The following C1orf94 variants were observed in gnomAD, a reference collection of about 807,000 sequenced individuals.
C1orf94 encodes uncharacterized protein C1orf94.
C1orf94 carries 45 observed loss-of-function variants against 53.6 expected under a neutral mutation model. That is an observed-to-expected ratio of 0.84 (90% CI 0.66 to 1.08). C1orf94 has a LOEUF of 1.08. Ranked by LOEUF, C1orf94 falls within the 50% of genes least tolerant of loss-of-function variation. C1orf94 has a pLI of 0.00. For missense variants in C1orf94, 762 were observed against 738.9 expected, an observed-to-expected ratio of 1.03 and a Z score of -0.36; for synonymous variants, 304 against 296.1, an observed-to-expected ratio of 1.03 and a Z score of -0.27.
At chr1:34,188,266 A>T (rs1642418649) in intron 1 of C1orf94, among the ~76,000 whole-genome samples, 1 of 152,238 alleles carries the variant, frequency 6.6e-6, no homozygotes, top group Non-Finnish European at 1.5e-5. Flanking sequence ...TGTCTGGTAC[A>T]TCTTTGAGAA....
Position 34,197,620 on chromosome 1 carries a change from T to G in C1orf94, c.716T>G (p.Leu239Arg). Reference protein sequence around the residue: ...LGDSNLQVSKLLSQFPLKSTE... With the variant: ...LGDSNLQVSKRLSQFPLKSTE... Reference sequence around the variant, plus strand: ...GACTCCAACTTGCAAGTCAGCAAGCTTCTGTCCCAGTTCCCACTGAAGTCC... The same window carrying G: ...GACTCCAACTTGCAAGTCAGCAAGCGTCTGTCCCAGTTCCCACTGAAGTCC... Residue 239 changes from leucine (L) to arginine (R), a missense_variant, in exon 2 of 7, where the codon CTT (leucine) becomes CGT (arginine). Transcript: ENST00000488417. This position sits in a 1 kb window ranked among gnomAD's most constrained non-coding sequence, Gnocchi z 4.1. 6.2e-7 allele frequency: 1 copy of G among 1,614,114 alleles called. No individual in the cohort carries two copies. The highest frequency in any genetic ancestry group is 8.5e-7 in the Non-Finnish European group (1 of 1,179,990).
Position 34,202,089 on chromosome 1 carries a change from G to C in C1orf94, c.1276G>C (p.Ala426Pro). The C allele has an allele frequency of 6.2e-7, 1 of 1,613,148 alleles. No homozygotes were observed. Among genetic ancestry groups the C allele is most frequent in the Admixed American group, 1.7e-5 (1 of 59,960 alleles). ...GCCTCTCCTGTGACTTGCAGTTAAC[G>C]CACCTGTGACGGTTGCTGACAAGAA... ...EVDGPELKFN[A>P]PVTVADKNNP... The change falls in exon 4 of 7, where the codon GCA (alanine) becomes CCA (proline). Residue 426 changes from alanine (A) to proline (P), a missense_variant. Transcript: ENST00000488417.
rs764306591 is a variant in C1orf94, at chr1:34,197,497, A to G, written c.593A>G (p.Gln198Arg). Residue 198 changes from glutamine to arginine, a missense_variant, in exon 2 of 7, where the codon CAG becomes CGG. Coordinates refer to ENST00000488417, the MANE Select transcript of C1orf94 (RefSeq NM_001134734.2). The surrounding 1 kb of genome is among the most constrained non-coding windows in gnomAD (Gnocchi z 4.1). The part of the protein sequence containing the change: ...KVAMPVISSR[Q>R]DCDSATSTVT... ...GCCATGCCCGTTATCAGCAGCAGGC[A>G]GGACTGTGATTCTGCCACTTCTACT... 1 of 1,614,134 alleles carries G rather than the reference A, an allele frequency of 6.2e-7. No homozygotes were observed. The highest frequency in any genetic ancestry group is 8.5e-7 in the Non-Finnish European group (1 of 1,180,018).
At chr1:34,218,307 G>A (rs188108316) in intron 6 of C1orf94, among the ~76,000 whole-genome samples, 8 of 152,252 alleles carry the variant, frequency 5.3e-5, no homozygotes, top group Non-Finnish European at 1.0e-4. Flanking sequence ...ATTTTCCTGA[G>A]GGACATGTCT....
Position 34,197,797 on chromosome 1 carries a change from C to G in C1orf94, c.893C>G (p.Pro298Arg). The change falls in exon 2 of 7, where the codon CCT becomes CGT. Residue 298 changes from proline to arginine, a missense_variant. Coordinates refer to ENST00000488417, the MANE Select transcript of C1orf94 (RefSeq NM_001134734.2). The surrounding 1 kb of genome is among the most constrained non-coding windows in gnomAD (Gnocchi z 4.1). ...PFLLLPPRPP[P>R]ARPDKLPELP... ...CTGCTGCTGCCTCCCCGACCTCCTC[C>G]TGCACGTCCTGACAAGCTCCCTGAG... The G allele has an allele frequency of 6.2e-7, 1 of 1,614,226 alleles. No homozygotes were observed. Among genetic ancestry groups the G allele is most frequent in the African/African-American group, 1.3e-5 (1 of 75,068 alleles).
At chr1:34,175,964 G>C (rs924091093), upstream of C1orf94, among the ~76,000 whole-genome samples, 9 of 151,998 alleles carry the variant, frequency 5.9e-5, no homozygotes, top group Non-Finnish European at 1.0e-4. Context: ...TTTTCCATCA[G>C]AGTCCCATTG....
chr1:34,177,687 A>C lies in C1orf94; in HGVS notation c.-103A>C. 3.9e-6 allele frequency: 4 copies of C among 1,031,168 alleles called. No homozygotes were observed. The allele number at this position is 1,031,168 out of a possible 1,614,324, so 63.9% of individuals were successfully genotyped here. On this transcript the variant is annotated 5_prime_UTR_variant, in exon 1 of 7. Coordinates refer to ENST00000488417, the MANE Select transcript of C1orf94 (RefSeq NM_001134734.2). ...AAGCTGTCCTCCACCCACCCCTCCC[A>C]CACAAATAGAAGGCCTCTGAACCTA...
chr1:34,213,729 C>T (rs1264711947), intron 6 of C1orf94, among the ~76,000 whole-genome samples: 8 of 151,830 alleles, frequency 5.3e-5, no homozygotes, highest in South Asian at 2.1e-4. Context: ...TTAGTAGAGA[C>T]GGGGTTTCAC....
At chr1:34,189,131 ATG>A (rs1456941673) in intron 1 of C1orf94, among the ~76,000 whole-genome samples, 1 of 150,634 alleles carries the variant, frequency 6.6e-6, no homozygotes, top group Non-Finnish European at 1.5e-5. Context: ...TGTGTGCAGG[ATG>A]TGTGTGTATG....
rs377669037 is a variant in C1orf94 at position 34,185,240 on chromosome 1, C to T, written c.320+7131C>T. Among the ~76,000 whole-genome samples the T allele has an allele frequency of 2.3e-4, 35 of 152,126 alleles. 1 individual carries two copies. Among genetic ancestry groups the T allele is most frequent in the African/African-American group, 6.7e-4 (28 of 41,490 alleles). On this transcript the variant is annotated intron_variant, in intron 1 of 6. Coordinates refer to ENST00000488417, the MANE Select transcript of C1orf94 (RefSeq NM_001134734.2). ...TGTCACCCAGGCTGGAGTGCAGTGG[C>T]GCGATCTTGGCTCACTGCAACCTCC...
At chr1:34,202,370 C>T in intron 4 of C1orf94, 111 bp downstream of exon 4, 2 of 1,205,982 alleles carry the variant, frequency 1.7e-6, no homozygotes, top group Non-Finnish European at 2.3e-6. Context: ...CCTCTGAATC[C>T]CTTCCCTACA....
At chr1:34,203,093 C>T (rs1403653137) in intron 4 of C1orf94, among the ~76,000 whole-genome samples, 1 of 151,938 alleles carries the variant, frequency 6.6e-6, no homozygotes, top group African/African-American at 2.4e-5. Context: ...GGCACTTGAA[C>T]ATCTTTATAT....
At chr1:34,199,043 G>A (rs1642649861) in intron 2 of C1orf94, among the ~76,000 whole-genome samples, 1 of 145,004 alleles carries the variant, frequency 6.9e-6, no homozygotes, top group Non-Finnish European at 1.5e-5. Context: ...GTACGAATGT[G>A]TGAGCAAAAG....
intron 5 of C1orf94, among the ~76,000 whole-genome samples, chr1:34,211,738 C>G (rs1020596367): frequency 6.6e-6 from 1 of 152,062 alleles, no homozygotes; most frequent in African/African-American, 2.4e-5. Flanking sequence ...GTAGGGCTGT[C>G]TCGGACTTGC....
intron 1 of C1orf94, among the ~76,000 whole-genome samples, chr1:34,170,261 A>G (rs1452272197): frequency 2.0e-5 from 3 of 152,238 alleles, no homozygotes; most frequent in Admixed American, 1.3e-4. Context: ...ACAAATATAA[A>G]GAAGAATAAG....
At chr1:34,178,759 G>A (rs901874871) in intron 1 of C1orf94, among the ~76,000 whole-genome samples, 14 of 151,008 alleles carry the variant, frequency 9.3e-5, no homozygotes, top group African/African-American at 3.2e-4. Flanking sequence ...ATATTGTTGA[G>A]GATGGATATT....
intron 1 of C1orf94, among the ~76,000 whole-genome samples, chr1:34,190,691 G>C (rs1219759425): frequency 6.6e-6 from 1 of 152,192 alleles, no homozygotes; most frequent in Non-Finnish European, 1.5e-5. Flanking sequence ...TTAAGAGAGA[G>C]GCATTGGAAC....
In C1orf94 at chr1:34,202,104, G is replaced by A. The variant is rs1233649888; in HGVS notation, c.1291G>A (p.Ala431Thr). 2 of 1,613,858 alleles carry A rather than the reference G, an allele frequency of 1.2e-6. No individual in the cohort carries two copies. The highest frequency in any genetic ancestry group is 1.3e-5 in the African/African-American group (1 of 74,912). ...ELKFNAPVTV[A>T]DKNNPKYTGN... ...TGCAGTTAACGCACCTGTGACGGTT[G>A]CTGACAAGAACAACCCGAAGTACAC... The change falls in exon 4 of 7, where the codon GCT becomes ACT. Residue 431 changes from alanine to threonine, a missense_variant. Physicochemically the swap from Ala to Thr is moderately conservative, Grantham distance 58 (BLOSUM62 0). Transcript: ENST00000488417.
At chr1:34,202,487 T>C (rs958991174) in intron 4 of C1orf94, among the ~76,000 whole-genome samples, 2 of 152,238 alleles carry the variant, frequency 1.3e-5, no homozygotes, top group Non-Finnish European at 2.9e-5. Context: ...TTCATGTGCA[T>C]GCGTGCGCAC....
Sources: allele counts gnomAD v4.1 joint callset (sites outside exome capture counted in the v4.1 genomes callset), GRCh38; gene constraint gnomAD v4.1.1; non-coding constraint Gnocchi (gnomAD v3.1); transcripts MANE v1.5; gene names NCBI Gene and HGNC (gene_info 2026-07-23, HGNC 2026-07-21).